Variants in CAMK2B observed in about 807,000 individuals in gnomAD.
CAMK2B encodes calcium/calmodulin dependent protein kinase II beta.
Under a neutral mutation model 93.7 loss-of-function variants are expected in CAMK2B, and 27 were observed. The observed-to-expected ratio is 0.29, with a 90% confidence interval of 0.21 to 0.40. CAMK2B has a LOEUF of 0.40. Ranked by LOEUF, CAMK2B falls within the 10% of genes least tolerant of loss-of-function variation. The pLI is 1.00. For synonymous variants in CAMK2B, 374 were observed against 358.8 expected (o/e 1.04, Z -0.48); for missense variants, 568 against 895.8 (o/e 0.63, Z 4.67).
At chr7:44,320,821 C>G (rs1359729173) in intron 1 of CAMK2B, among the ~76,000 whole-genome samples, 1 of 152,204 alleles carries the variant, frequency 6.6e-6, no homozygotes, top group African/African-American at 2.4e-5. Flanking sequence ...CCAACTCACC[C>G]CTTCCCCACC....
intron 20 of CAMK2B, among the ~76,000 whole-genome samples, chr7:44,223,131 T>C (rs1035318489): frequency 2.6e-5 from 4 of 152,172 alleles, no homozygotes; most frequent in African/African-American, 4.8e-5. Flanking sequence ...CTCATACATA[T>C]GCATGAGCAC....
At chr7:44,250,937 A>G (rs1175544118) in intron 5 of CAMK2B, among the ~76,000 whole-genome samples, 1 of 152,188 alleles carries the variant, frequency 6.6e-6, no homozygotes, top group Non-Finnish European at 1.5e-5. Context: ...ATCAACTCCA[A>G]AATAAGACCC....
At chr7:44,276,119 G>C (rs2097034691) in intron 2 of CAMK2B, among the ~76,000 whole-genome samples, 1 of 151,532 alleles carries the variant, frequency 6.6e-6, no homozygotes, top group African/African-American at 2.4e-5. Context: ...AAGCCAGAGG[G>C]GAAAGAGGGG....
chr7:44,240,674 C>T (rs1167949253), intron 12 of CAMK2B, 33 bp downstream of exon 12: 1 of 1,610,894 alleles, frequency 6.2e-7, no homozygotes, highest in African/African-American at 1.3e-5. Context: ...AGGGAGGGGG[C>T]AGCGCCTGTC....
intron 1 of CAMK2B, among the ~76,000 whole-genome samples, chr7:44,284,668 A>T (rs1584593036): frequency 1.3e-5 from 2 of 152,298 alleles, no homozygotes; most frequent in East Asian, 3.9e-4. Context: ...GGCCCTGCTG[A>T]GTCTTCCCCA....
rs374250683 is a variant in CAMK2B, at chr7:44,264,482, C to A, written c.161-1418G>T. Among the ~76,000 whole-genome samples the A allele has an allele frequency of 2.8e-4, 43 of 152,290 alleles. No individual in the cohort carries two copies. In the East Asian group the frequency reaches 5.8e-3, roughly 21 times the overall value. ...GCTCCCCCCTCCCAGGACAGGCATT[C>A]GTCTCCCTGCCCTGGCCACCTGGCT... On this transcript the variant is annotated intron_variant, in intron 2 of 23. Coordinates refer to ENST00000395749, the MANE Select transcript of CAMK2B (RefSeq NM_001220.5).
intron 2 of CAMK2B, among the ~76,000 whole-genome samples, chr7:44,281,466 C>A (rs1040532355): frequency 6.6e-6 from 1 of 152,196 alleles, no homozygotes; most frequent in Admixed American, 6.5e-5. Flanking sequence ...CACTGACCCA[C>A]GACTCCCAGC....
chr7:44,229,037 GATCAGGCCCTGA>G (rs1456359002), intron 18 of CAMK2B, 113 bp from the exon 19 acceptor site: 2 of 1,021,330 alleles, frequency 2.0e-6, no homozygotes, highest in African/African-American at 3.2e-5. Flanking sequence ...TGGGCCCTGG[GATCAGGCCCTGA>G]ATCAGAGCCT....
In CAMK2B at chr7:44,302,392, C is replaced by G. The variant is rs182109899; in HGVS notation, c.66-18167G>C. On this transcript the variant is annotated intron_variant, in intron 1 of 23. Coordinates refer to ENST00000395749, the MANE Select transcript of CAMK2B (RefSeq NM_001220.5). ...TAGAAGCAGCAAGAATACTTCCTAA[C>G]TCATTCTATGAGGCTAGCATTACCC... 5.6e-4 allele frequency among the ~76,000 whole-genome samples: 86 copies of G among 152,272 alleles called. 1 individual carries two copies. The highest frequency in any genetic ancestry group is 3.7e-3 in the Admixed American group (56 of 15,288).
intron 3 of CAMK2B, among the ~76,000 whole-genome samples, chr7:44,260,404 T>A (rs1304285056): frequency 6.6e-6 from 1 of 151,828 alleles, no homozygotes; most frequent in African/African-American, 2.4e-5. Context: ...CCTCCTTAGC[T>A]CCTAAACCTC....
At chr7:44,292,530 A>C (rs745884313) in intron 1 of CAMK2B, among the ~76,000 whole-genome samples, 14 of 152,216 alleles carry the variant, frequency 9.2e-5, no homozygotes, top group Non-Finnish European at 2.1e-4. Flanking sequence ...TGATAGGTGC[A>C]AAAGGGGTTC....
chr7:44,272,347 C>T (rs1180180971), intron 2 of CAMK2B, among the ~76,000 whole-genome samples: 2 of 152,102 alleles, frequency 1.3e-5, no homozygotes, highest in Non-Finnish European at 2.9e-5. Context: ...GGCAGACACC[C>T]CTCTCCTCCT....
intron 1 of CAMK2B, among the ~76,000 whole-genome samples, chr7:44,321,014 G>A (rs1469091336): frequency 1.3e-5 from 2 of 152,222 alleles, no homozygotes; most frequent in Non-Finnish European, 1.5e-5. Context: ...AGAGCCTGCT[G>A]AGCAGCCCAA....
In CAMK2B at chr7:44,325,544, C is replaced by CGCG; in HGVS notation, c.-124_-123insCGC. 2.4e-6 allele frequency: 1 copy of CGCG among 414,460 alleles called. No individual in the cohort carries two copies. The highest frequency in any genetic ancestry group is 3.2e-6 in the Non-Finnish European group (1 of 310,226). The allele number at this position is 414,460 out of a possible 1,614,324, so 25.7% of individuals were successfully genotyped here. A position where few individuals can be genotyped will look rare whatever the true frequency, so the allele number is the denominator to read the frequency against. On this transcript the variant is annotated 5_prime_UTR_variant, in exon 1 of 24. Transcript: ENST00000395749. ...CGGGAGACACCTCGGCTCGCGGCGC[C>CGCG]AGGCGGGGGCCGGGCTGGGCTGCGC...
chr7:44,299,931 AATGG>A (rs200383714), intron 1 of CAMK2B, among the ~76,000 whole-genome samples: 2 of 152,236 alleles, frequency 1.3e-5, no homozygotes, highest in East Asian at 3.9e-4. Flanking sequence ...TAAAAAAGTA[AATGG>A]ATGGAGAAAG....
intron 1 of CAMK2B, among the ~76,000 whole-genome samples, chr7:44,317,587 AATG>A (rs1795124028): frequency 6.6e-6 from 1 of 152,222 alleles, no homozygotes; most frequent in Non-Finnish European, 1.5e-5. Flanking sequence ...CAGGCCTCTG[AATG>A]ATATTTTGGA....
At chr7:44,257,279 T>C (rs777637770) in intron 4 of CAMK2B, among the ~76,000 whole-genome samples, 47 of 152,122 alleles carry the variant, frequency 3.1e-4, no homozygotes, top group Non-Finnish European at 5.3e-4. Context: ...ACAGGGGCCA[T>C]GGAGGTTGGT....
At chr7:44,262,855 C>G in intron 3 of CAMK2B, 150 bp downstream of exon 3, 2 of 624,974 alleles carry the variant, frequency 3.2e-6, no homozygotes, top group Admixed American at 2.8e-5. Context: ...GAAGAGGGGG[C>G]GTCCTCAGGG....
At chr7:44,317,378 C>A (rs1433013386) in intron 1 of CAMK2B, among the ~76,000 whole-genome samples, 1 of 151,974 alleles carries the variant, frequency 6.6e-6, no homozygotes, top group African/African-American at 2.4e-5. Flanking sequence ...AAAATACACA[C>A]CAGATTTCAA....
Sources: allele counts gnomAD v4.1 joint callset (sites outside exome capture counted in the v4.1 genomes callset), GRCh38; gene constraint gnomAD v4.1.1; transcripts MANE v1.5; gene names NCBI Gene and HGNC (gene_info 2026-07-23, HGNC 2026-07-21).